The following CNKSR2 variants were observed in gnomAD, a reference collection of about 807,000 sequenced individuals.
CNKSR2 encodes the protein connector enhancer of kinase suppressor of Ras 2, also known as CNK homolog protein 2.
A neutral mutation model predicts 84.4 loss-of-function variants in CNKSR2; 14 were observed. That is an observed-to-expected ratio of 0.17 (90% CI 0.11 to 0.26). The LOEUF is 0.26. CNKSR2 is among the 10% of genes least tolerant of loss of function. The pLI is 1.00. For missense variants in CNKSR2, 485 were observed against 771.2 expected (o/e 0.63, Z 4.40); for synonymous variants, 275 against 277.9 (o/e 0.99, Z 0.10).
At chrX:21,451,242 A>G (rs1026575493) in intron 4 of CNKSR2, among the ~76,000 whole-genome samples, 2 of 111,824 alleles carry the variant, frequency 1.8e-5, no homozygotes, top group Admixed American at 9.5e-5. Context: ...CTCTGAAAAT[A>G]TTAACAATCT....
At chrX:21,617,310 C>T (rs932518385) in intron 20 of CNKSR2, among the ~76,000 whole-genome samples, 2 of 111,048 alleles carry the variant, frequency 1.8e-5, no homozygotes, top group African/African-American at 6.5e-5. Flanking sequence ...CAGAGAAGGC[C>T]GAAGGTCACA....
intron 11 of CNKSR2, among the ~76,000 whole-genome samples, chrX:21,546,938 A>T (rs2092031998): frequency 8.9e-6 from 1 of 112,283 alleles, no homozygotes; most frequent in African/African-American, 3.2e-5. Flanking sequence ...AACACTAAAT[A>T]TGGAAAAGAA....
At chrX:21,559,487 C>T (rs1401214255) in intron 11 of CNKSR2, among the ~76,000 whole-genome samples, 1 of 111,408 alleles carries the variant, frequency 9.0e-6, no homozygotes, top group East Asian at 2.8e-4. Flanking sequence ...GTCTCATTAG[C>T]ATCTTAAATC....
chrX:21,619,039 G>A (rs2092590243), intron 20 of CNKSR2, among the ~76,000 whole-genome samples: 1 of 111,866 alleles, frequency 8.9e-6, no homozygotes, highest in South Asian at 3.7e-4. Flanking sequence ...GAGAGATGGT[G>A]CAAGATATTT....
chrX:21,500,830 C>T (rs940797063), intron 7 of CNKSR2, among the ~76,000 whole-genome samples: 7 of 111,086 alleles, frequency 6.3e-5, no homozygotes, highest in African/African-American at 2.3e-4. Flanking sequence ...TTTTACTGTC[C>T]AGTGTATTAC....
At chrX:21,631,030 T>TAA (rs201099306) in intron 20 of CNKSR2, among the ~76,000 whole-genome samples, 3 of 108,450 alleles carry the variant, frequency 2.8e-5, no homozygotes, top group African/African-American at 1.0e-4. Flanking sequence ...GATTTTTTTT[T>TAA]AAAAAAAAAG....
intron 1 of CNKSR2, among the ~76,000 whole-genome samples, chrX:21,395,908 A>AT (rs1417148583): frequency 1.8e-5 from 2 of 111,812 alleles, no homozygotes; most frequent in African/African-American, 6.5e-5. Flanking sequence ...TGGAAGATGT[A>AT]TTTTTTATGT....
chrX:21,619,371 A>C lies in CNKSR2; in HGVS notation c.2692+9754A>C, dbSNP rs185693105. Among the ~76,000 whole-genome samples, 48 of 112,230 alleles carry C rather than the reference A, an allele frequency of 4.3e-4. No individual in the cohort carries two copies. The Middle Eastern group carries it at 0.028, about 65-fold the overall frequency. On this transcript the variant is annotated intron_variant, in intron 20 of 21. Transcript: ENST00000379510. The stretch of plus-strand genomic sequence containing the variant: ...ATATAGGGAATATTAGCAGAGCATT[A>C]AATACAGAAAATTGTATTTTGAATG...
At chrX:21,390,686 C>A in intron 1 of CNKSR2, among the ~76,000 whole-genome samples, 1 of 111,566 alleles carries the variant, frequency 9.0e-6, no homozygotes, top group African/African-American at 3.3e-5. Flanking sequence ...ATCATTCTGC[C>A]CCGGCCTCTC....
At chrX:21,511,184 T>A (rs2091667473) in intron 8 of CNKSR2, among the ~76,000 whole-genome samples, 1 of 111,436 alleles carries the variant, frequency 9.0e-6, no homozygotes, top group Non-Finnish European at 1.9e-5. Context: ...ATTATGACTT[T>A]AGGTCTGGAG....
At position 21,426,585 on chromosome X, in the gene CNKSR2, G is replaced by C; in HGVS notation, c.153G>C (p.Glu51Asp). Residue 51 changes from glutamate (E) to aspartate (D), a missense_variant, in exon 2 of 22, where the codon GAG (glutamate) becomes GAC (aspartate). Physicochemically the swap from Glu to Asp is conservative, Grantham distance 45. Around this residue, in one of 5 missense-constraint regions of CNKSR2, gnomAD observed 109 missense variants for 197.5 expected, o/e 0.55. Coordinates refer to ENST00000379510, the MANE Select transcript of CNKSR2 (RefSeq NM_014927.5). The stretch of plus-strand genomic sequence containing the variant: ...AGCTGCTGCGCATTACACATCAGGA[G>C]CTAGAAGATCTGGGGGTCAGCCGCA... ...GDQLLRITHQ[E>D]LEDLGVSRIG... The C allele has an allele frequency of 8.3e-7, 1 of 1,208,416 alleles. No individual in the cohort carries two copies. The highest frequency in any genetic ancestry group is 1.1e-6 in the Non-Finnish European group (1 of 894,386).
intron 20 of CNKSR2, 65 bp from the exon 21 acceptor site, chrX:21,648,764 TTC>T: frequency 3.2e-6 from 3 of 931,168 alleles, no homozygotes; most frequent in Non-Finnish European, 4.4e-6. Flanking sequence ...ATGAATTCAT[TTC>T]TCTTTCTCTC....
intron 13 of CNKSR2, among the ~76,000 whole-genome samples, chrX:21,580,262 C>T (rs1439935380): frequency 9.0e-6 from 1 of 111,386 alleles, no homozygotes; most frequent in Non-Finnish European, 1.9e-5. Context: ...TTATACAGTA[C>T]TCTTTGAAAA....
At chrX:21,376,654 C>T (rs1274869424) in intron 1 of CNKSR2, among the ~76,000 whole-genome samples, 4 of 112,292 alleles carry the variant, frequency 3.6e-5, no homozygotes, top group African/African-American at 9.7e-5. Context: ...AGAGTATATA[C>T]AGGAAGCAAC....
chrX:21,583,780 G>A (rs2092368285), intron 13 of CNKSR2, among the ~76,000 whole-genome samples: 2 of 111,380 alleles, frequency 1.8e-5, no homozygotes, highest in South Asian at 7.5e-4. Context: ...ATAATTTGAG[G>A]ATAAGAATGA....
chrX:21,399,327 A>G (rs1022480897), intron 1 of CNKSR2, among the ~76,000 whole-genome samples: 1 of 111,469 alleles, frequency 9.0e-6, no homozygotes, highest in African/African-American at 3.3e-5. Context: ...TTCTGAGTAT[A>G]TATTATCAGG....
chrX:21,601,159 G>T, intron 17 of CNKSR2, 123 bp from the exon 18 acceptor site: 1 of 420,169 alleles, frequency 2.4e-6, no homozygotes, highest in South Asian at 5.5e-5. Context: ...TAGTAGCAAA[G>T]AACACATCTT....
At chrX:21,427,487 A>T (rs913880329) in intron 2 of CNKSR2, 2 of 111,406 alleles carry the variant, frequency 1.8e-5, no homozygotes, top group African/African-American at 3.3e-5. Flanking sequence ...CCATTATGAA[A>T]TCAGGAGGTG....
intron 20 of CNKSR2, among the ~76,000 whole-genome samples, chrX:21,633,493 C>A (rs2092657279): frequency 8.9e-6 from 1 of 112,275 alleles, no homozygotes; most frequent in African/African-American, 3.2e-5. Context: ...AAGAAGTTAG[C>A]AATCCGTTGC....
Sources: gnomAD v4.1 joint callset for allele counts (sites outside exome capture counted in the v4.1 genomes callset) on GRCh38, gnomAD v4.1.1 for gene constraint, gnomAD v4.1.1 regional missense constraint, MANE v1.5 for transcripts, NCBI Gene and HGNC (gene_info 2026-07-23, HGNC 2026-07-21) for gene names.